Variants in KCNMA1 observed in about 807,000 individuals in gnomAD.
The protein encoded by KCNMA1 is Calcium-activated potassium channel subunit alpha-1.
In KCNMA1, 29 loss-of-function variants were observed where a neutral mutation model predicts 140.0. The observed-to-expected ratio is 0.21, with a 90% CI of 0.15 to 0.28. The LOEUF (loss-of-function observed/expected upper bound fraction) is 0.28. Ranked by LOEUF, KCNMA1 falls within the 10% of genes least tolerant of loss-of-function variation. The pLI, the probability that KCNMA1 is intolerant of heterozygous loss-of-function variation, is 1.00. For synonymous variants in KCNMA1, 612 were observed against 611.9 expected (o/e 1.00, Z 0.00); for missense variants, 880 against 1,602.2 (o/e 0.55, Z 7.70).
chr10:77,296,585 G>C (rs1469620729), intron 2 of KCNMA1, among the ~76,000 whole-genome samples: 1 of 152,088 alleles, frequency 6.6e-6, no homozygotes, highest in East Asian at 1.9e-4. Context: ...ACCCTTGATT[G>C]ATCATTCTGC....
In KCNMA1 at chr10:77,021,895, G is replaced by A. The variant is rs536949543; in HGVS notation, c.1929-2796C>T. ...CTAGATACATAAAGATGCTCTTGGC[G>A]CTGAAGCACCAGAAACTACATTACT... On this transcript the variant is annotated intron_variant, in intron 16 of 27. Transcript: ENST00000286628. 5.5e-4 allele frequency among the ~76,000 whole-genome samples: 84 copies of A among 152,324 alleles called. 3 individuals carry two copies. The South Asian group carries it at 0.017, about 30-fold the overall frequency.
chr10:77,535,270 C>T (rs55787316), intron 1 of KCNMA1, among the ~76,000 whole-genome samples: 25,356 of 152,164 alleles, frequency 0.17, 2,970 homozygotes, highest in East Asian at 0.54. Context: ...ATCTACCCCA[C>T]ATATCTCAGG....
intron 1 of KCNMA1, among the ~76,000 whole-genome samples, chr10:77,510,995 G>A (rs1281406806): frequency 2.0e-5 from 3 of 152,176 alleles, no homozygotes; most frequent in African/African-American, 4.8e-5. Context: ...CTCCTCATCC[G>A]ACCTGAAACC....
chr10:77,382,982 GTGTGTGTGTGTGTATATATATATATATA>G (rs1195268004), intron 2 of KCNMA1, among the ~76,000 whole-genome samples: 2 of 75,374 alleles, frequency 2.7e-5, no homozygotes, highest in African/African-American at 1.5e-4. Flanking sequence ...GTGTGTGTGT[GTGTGTGTGTGTGTATATATATATATATA>G]TATATATATA....
At position 76,886,896 on chromosome 10, in the gene KCNMA1, A is replaced by G; in HGVS notation, c.*370T>C. 1.8e-6 allele frequency: 2 copies of G among 1,129,084 alleles called. No individual in the cohort carries two copies. Among genetic ancestry groups the G allele is most frequent in the Non-Finnish European group, 2.2e-6 (2 of 914,608 alleles). The allele number at this position is 1,129,084 out of a possible 1,614,324, so 69.9% of individuals were successfully genotyped here. ...AGCACCCTGATAATCCTGATAAATC[A>G]GAATCAACTTTTCTTTTACATTAAA... On this transcript the variant is annotated 3_prime_UTR_variant, in exon 28 of 28. Transcript: ENST00000286628.
chr10:77,545,046 C>T (rs769591248), intron 1 of KCNMA1, among the ~76,000 whole-genome samples: 18 of 152,108 alleles, frequency 1.2e-4, no homozygotes, highest in Non-Finnish European at 2.2e-4. Context: ...TTCTGACCCA[C>T]GATGAAGTCA....
intron 5 of KCNMA1, among the ~76,000 whole-genome samples, chr10:77,168,826 A>ACAT (rs2098671530): frequency 4.6e-5 from 7 of 152,232 alleles, no homozygotes; most frequent in Admixed American, 4.6e-4. Flanking sequence ...AGAATATATA[A>ACAT]CATAGCTGCA....
chr10:77,031,430 C>T (rs1594228116), intron 15 of KCNMA1, among the ~76,000 whole-genome samples: 1 of 152,218 alleles, frequency 6.6e-6, no homozygotes, highest in Non-Finnish European at 1.5e-5. Context: ...CTCAGATGGC[C>T]TCACTCTTCA....
At chr10:77,183,730 A>G (rs905355413) in intron 4 of KCNMA1, among the ~76,000 whole-genome samples, 198 bp from the exon 5 acceptor site, 5 of 151,968 alleles carry the variant, frequency 3.3e-5, no homozygotes, top group African/African-American at 2.4e-5. Context: ...CAGGTGATCC[A>G]CTCGCCTCAG....
At chr10:77,591,689 C>G (rs2079210229) in intron 1 of KCNMA1, among the ~76,000 whole-genome samples, 1 of 152,212 alleles carries the variant, frequency 6.6e-6, no homozygotes, top group South Asian at 2.1e-4. Flanking sequence ...GTTTTACATG[C>G]AATCCCTGTG....
chr10:77,023,037 G>C (rs969082636), intron 16 of KCNMA1: 1 of 426,386 alleles, frequency 2.3e-6, no homozygotes, highest in Non-Finnish European at 4.7e-6. Context: ...ATTGGCTAGC[G>C]GGGCTCAGTC....
At chr10:77,069,564 G>A (rs1337635912) in intron 14 of KCNMA1, among the ~76,000 whole-genome samples, 1 of 152,138 alleles carries the variant, frequency 6.6e-6, no homozygotes, top group Non-Finnish European at 1.5e-5. Flanking sequence ...AGTTAGCAAA[G>A]TTAAGAAATT....
intron 2 of KCNMA1, among the ~76,000 whole-genome samples, chr10:77,356,389 C>T (rs182881560): frequency 4.6e-4 from 70 of 152,278 alleles, no homozygotes; most frequent in Non-Finnish European, 8.8e-4. Flanking sequence ...TAGTCTTTAG[C>T]TCAATATTGA....
At chr10:76,952,513 C>T (rs2066678641) in intron 21 of KCNMA1, among the ~76,000 whole-genome samples, 1 of 152,052 alleles carries the variant, frequency 6.6e-6, no homozygotes, top group Non-Finnish European at 1.5e-5. Context: ...GAGACTCTGT[C>T]TCAAAAAAAC....
chr10:77,223,489 T>C (rs138835643), intron 3 of KCNMA1, among the ~76,000 whole-genome samples: 35 of 152,240 alleles, frequency 2.3e-4, no homozygotes, highest in Middle Eastern at 3.4e-3. Context: ...TCAGAGTGTA[T>C]CTAGAATGAA....
intron 2 of KCNMA1, among the ~76,000 whole-genome samples, chr10:77,334,149 T>C (rs992871421): frequency 5.3e-5 from 8 of 152,186 alleles, no homozygotes; most frequent in African/African-American, 1.9e-4. Flanking sequence ...CTTGGAAATG[T>C]GTTTATTTTC....
At chr10:77,483,082 T>C (rs189490729) in intron 1 of KCNMA1, among the ~76,000 whole-genome samples, 36 of 151,174 alleles carry the variant, frequency 2.4e-4, no homozygotes, top group Admixed American at 2.1e-3. Context: ...AGACCTAATA[T>C]CTAAGAATTT....
intron 2 of KCNMA1, among the ~76,000 whole-genome samples, chr10:77,278,723 G>A (rs370653994): frequency 3.3e-5 from 5 of 152,336 alleles, no homozygotes; most frequent in East Asian, 1.9e-4. Flanking sequence ...ATCACATGAC[G>A]ATTCGTTAAA....
chr10:77,637,017 CAA>C (rs879748811), intron 1 of KCNMA1: 21 of 1,414,000 alleles, frequency 1.5e-5, no homozygotes, highest in Non-Finnish European at 1.8e-5. Flanking sequence ...CTACAATAAA[CAA>C]GAGGACAGGA....
Sources: gnomAD v4.1 joint callset for allele counts (sites outside exome capture counted in the v4.1 genomes callset) on GRCh38, gnomAD v4.1.1 for gene constraint, MANE v1.5 for transcripts, NCBI Gene and HGNC (gene_info 2026-07-23, HGNC 2026-07-21) for gene names.